The following ZNF638 variants were observed in gnomAD, a reference collection of about 807,000 sequenced individuals.
The protein encoded by ZNF638 is zinc finger protein 638.
Under a neutral mutation model 195.6 loss-of-function variants are expected in ZNF638, and 46 were observed. The observed-to-expected ratio is 0.24, with a 90% CI of 0.19 to 0.30. The LOEUF (loss-of-function observed/expected upper bound fraction) is 0.30, where lower values mean the gene tolerates loss of function less well. Ranked by LOEUF, ZNF638 falls within the 10% of genes least tolerant of loss-of-function variation. ZNF638 has a pLI of 1.00. For missense variants in ZNF638, 2,440 were observed against 2,325.3 expected (o/e 1.05, Z -1.01); for synonymous variants, 845 against 772.0 (o/e 1.09, Z -1.57).
chr2:71,353,710 T>C (rs1017902664), intron 2 of ZNF638, among the ~76,000 whole-genome samples: 1 of 152,192 alleles, frequency 6.6e-6, no homozygotes, highest in African/African-American at 2.4e-5. Flanking sequence ...TATTACTGTA[T>C]CTTCCTATTT....
At chr2:71,395,509 C>G (rs2104412813) in intron 10 of ZNF638, 1 of 608,718 alleles carries the variant, frequency 1.6e-6, no homozygotes. Flanking sequence ...AAGTAGGTAA[C>G]AAAGGAGTGT....
At chr2:71,370,231 A>G (rs560889070) in intron 8 of ZNF638, among the ~76,000 whole-genome samples, 138 of 152,344 alleles carry the variant, frequency 9.1e-4, no homozygotes, top group African/African-American at 3.0e-3. Context: ...TGCCATATAT[A>G]ACACAAAAAT....
intron 10 of ZNF638, among the ~76,000 whole-genome samples, chr2:71,387,856 T>C (rs1049743261): frequency 6.6e-6 from 1 of 152,158 alleles, no homozygotes; most frequent in Non-Finnish European, 1.5e-5. Flanking sequence ...TGAGTGACTT[T>C]AGAAAATTGT....
At chr2:71,364,351 T>G (rs2079159694) in intron 5 of ZNF638, 99 bp downstream of exon 5, 4 of 1,293,822 alleles carry the variant, frequency 3.1e-6, no homozygotes, top group Non-Finnish European at 1.0e-6. Flanking sequence ...TTTATTAAAT[T>G]TTAGAGTTGA....
chr2:71,338,466 A>G (rs1323232911), intron 1 of ZNF638, among the ~76,000 whole-genome samples: 1 of 152,176 alleles, frequency 6.6e-6, no homozygotes, highest in Admixed American at 6.5e-5. Flanking sequence ...TTTCACAATG[A>G]AAGCCCTAAG....
At chr2:71,422,777 GT>G in intron 21 of ZNF638, 36 bp from the exon 22 acceptor site, 1 of 1,571,752 alleles carries the variant, frequency 6.4e-7, no homozygotes, top group Non-Finnish European at 8.6e-7. Flanking sequence ...TTGTGTTTTT[GT>G]TTGTGTTCTT....
At chr2:71,402,973 A>G (rs752845715) in intron 16 of ZNF638, among the ~76,000 whole-genome samples, 10 of 152,158 alleles carry the variant, frequency 6.6e-5, no homozygotes, top group Admixed American at 2.6e-4. Context: ...TTAAAAGTAG[A>G]TTATTTGAAT....
chr2:71,351,402 T>G (rs1229201014), intron 2 of ZNF638, among the ~76,000 whole-genome samples: 1 of 152,204 alleles, frequency 6.6e-6, no homozygotes, highest in Non-Finnish European at 1.5e-5. Flanking sequence ...AAAATAATAG[T>G]TGCCTTATTC....
chr2:71,363,250 T>C, intron 4 of ZNF638, 59 bp downstream of exon 4: 2 of 1,265,096 alleles, frequency 1.6e-6, no homozygotes, highest in Non-Finnish European at 2.2e-6. Context: ...AGTAAACAGT[T>C]AATTTTAAGA....
chr2:71,362,460 A>G (rs1420381685), intron 3 of ZNF638, among the ~76,000 whole-genome samples: 1 of 151,936 alleles, frequency 6.6e-6, no homozygotes, highest in Non-Finnish European at 1.5e-5. Flanking sequence ...CCTGTGTGTA[A>G]CCTCATTACC....
chr2:71,433,497 C>T (rs2080708049), intron 27 of ZNF638: 3 of 479,452 alleles, frequency 6.3e-6, no homozygotes, highest in Admixed American at 3.7e-5. Context: ...AGAGTAGATT[C>T]TGCAGATCAC....
At chr2:71,389,591 G>T (rs531342637) in intron 10 of ZNF638, among the ~76,000 whole-genome samples, 1 of 152,292 alleles carries the variant, frequency 6.6e-6, no homozygotes, top group Non-Finnish European at 1.5e-5. Context: ...CAGGGGAGGG[G>T]TTCCTATGCC....
chr2:71,399,709 C>G (rs1239375923), intron 13 of ZNF638, 64 bp downstream of exon 13: 1 of 1,346,866 alleles, frequency 7.4e-7, no homozygotes, highest in Non-Finnish European at 1.0e-6. Flanking sequence ...TTTTTAAGTT[C>G]AGGGGTACAT....
At chr2:71,360,112 C>T (rs2079084107) in intron 3 of ZNF638, among the ~76,000 whole-genome samples, 1 of 152,156 alleles carries the variant, frequency 6.6e-6, no homozygotes, top group Non-Finnish European at 1.5e-5. Context: ...ACTAGTTTAG[C>T]TCATGGGCCT....
intron 26 of ZNF638, among the ~76,000 whole-genome samples, chr2:71,432,955 C>T (rs539464818): frequency 2.0e-5 from 3 of 152,216 alleles, no homozygotes; most frequent in Non-Finnish European, 2.9e-5. Flanking sequence ...GGCGCGGTGG[C>T]GCACACCTGT....
At chr2:71,433,402 C>G (rs1233706492) in intron 27 of ZNF638, 119 bp downstream of exon 27, 1 of 697,010 alleles carries the variant, frequency 1.4e-6, no homozygotes, top group Non-Finnish European at 2.4e-6. Flanking sequence ...CCAGTTTATT[C>G]CTCTTAAGTC....
intron 10 of ZNF638, among the ~76,000 whole-genome samples, chr2:71,394,511 A>G (rs2079852686): frequency 6.6e-6 from 1 of 152,160 alleles, no homozygotes; most frequent in Non-Finnish European, 1.5e-5. Flanking sequence ...GAGTGCAAGG[A>G]CAGGCTTGCT....
chr2:71,425,599 T>C (rs923418356), intron 23 of ZNF638, among the ~76,000 whole-genome samples: 2 of 152,212 alleles, frequency 1.3e-5, no homozygotes, highest in African/African-American at 2.4e-5. Flanking sequence ...AATACAGTTA[T>C]GTTAGTCATT....
intron 20 of ZNF638, among the ~76,000 whole-genome samples, chr2:71,410,648 T>C (rs148343350): frequency 0.013 from 1,934 of 152,232 alleles, 38 homozygotes; most frequent in African/African-American, 0.042. Flanking sequence ...TAAACAGATA[T>C]AAAAGTGGTA....
Sources: allele counts gnomAD v4.1 joint callset (sites outside exome capture counted in the v4.1 genomes callset), GRCh38; gene constraint gnomAD v4.1.1; transcripts MANE v1.5; gene names NCBI Gene and HGNC (gene_info 2026-07-23, HGNC 2026-07-21).